RASAL2: variants seen among roughly 807,000 people sequenced by gnomAD.
RASAL2 encodes ras GTPase-activating protein nGAP.
In RASAL2, 58 loss-of-function variants were observed where a neutral mutation model predicts 128.9. That is an observed-to-expected ratio of 0.45 (90% confidence interval 0.36 to 0.56). The LOEUF (loss-of-function observed/expected upper bound fraction) is 0.56. Among genes scored for constraint, RASAL2 ranks in the 20% least tolerant of loss-of-function variants. RASAL2 has a pLI of 0.00. For missense variants in RASAL2, 1,360 were observed against 1,601.6 expected, an observed-to-expected ratio of 0.85 and a Z score of 2.57; for synonymous variants, 561 against 580.8, an observed-to-expected ratio of 0.97 and a Z score of 0.49.
intron 5 of RASAL2, among the ~76,000 whole-genome samples, chr1:178,431,142 T>C (rs1325770139): frequency 3.9e-5 from 6 of 152,066 alleles, no homozygotes; most frequent in Admixed American, 1.3e-4. Context: ...CTTATGATCT[T>C]GGAATTTAAA....
At chr1:178,336,234 T>G (rs1669580313) in intron 3 of RASAL2, among the ~76,000 whole-genome samples, 1 of 152,052 alleles carries the variant, frequency 6.6e-6, no homozygotes, top group Non-Finnish European at 1.5e-5. Flanking sequence ...TTCTACTGGA[T>G]TTTGGTGTGC....
At chr1:178,236,691 A>G (rs755375059) in intron 1 of RASAL2, among the ~76,000 whole-genome samples, 74 of 151,922 alleles carry the variant, frequency 4.9e-4, no homozygotes, top group South Asian at 8.3e-4. Flanking sequence ...TGCACAAAAC[A>G]CTAGGCTTCT....
rs1247100084 is a variant in RASAL2 at position 178,133,299 on chromosome 1, T to C, written c.202+38605T>C. Among the ~76,000 whole-genome samples the C allele has an allele frequency of 3.9e-5, 6 of 152,312 alleles. No homozygotes were observed. The Middle Eastern group carries it at 0.017, about 432-fold the overall frequency. On this transcript the variant is annotated intron_variant, in intron 1 of 17. Transcript: ENST00000367649. The stretch of plus-strand genomic sequence containing the variant: ...TGCCTTTTTGTTATAAATATTATCA[T>C]GGCATGAAACAAAAAGCCTGTTATC...
In RASAL2 at chr1:178,319,807, C is replaced by T. The variant is rs1668665249; in HGVS notation, c.457+19689C>T. On this transcript the variant is annotated intron_variant, in intron 3 of 17. Transcript: ENST00000367649. The stretch of plus-strand genomic sequence containing the variant: ...CTTCTCTCAGCTCGTCAAAGTCATT[C>T]TCCATCCAGCTTTGTTCTGTTGCTG... 2.6e-5 allele frequency among the ~76,000 whole-genome samples: 4 copies of T among 152,352 alleles called. No individual in the cohort carries two copies. In the South Asian group the frequency reaches 6.2e-4, roughly 24 times the overall value.
At chr1:178,155,425 C>G (rs947104220) in intron 1 of RASAL2, among the ~76,000 whole-genome samples, 13 of 145,538 alleles carry the variant, frequency 8.9e-5, no homozygotes, top group African/African-American at 3.3e-4. Context: ...TTTTTTACCC[C>G]TGAAGAACAT....
At position 178,450,828 on chromosome 1, in the gene RASAL2, T is replaced by C. The variant is rs183115527; in HGVS notation, c.1628-743T>C. Among the ~76,000 whole-genome samples, 23 of 152,266 alleles carry C rather than the reference T, an allele frequency of 1.5e-4. No individual in the cohort carries two copies. The East Asian group carries it at 4.4e-3, about 29-fold the overall frequency. ...TGAATAAAACCTAGTACCTAACCTC[T>C]GAAGGTATTCATCCTAGGAATGAAA... On this transcript the variant is annotated intron_variant, in intron 9 of 17. Transcript: ENST00000367649.
Position 178,445,520 on chromosome 1 carries a change from T to G in RASAL2, c.1485T>G (p.Asp495Glu). The G allele has an allele frequency of 6.2e-7, 1 of 1,613,038 alleles. No individual in the cohort carries two copies. The highest frequency in any genetic ancestry group is 8.5e-7 in the Non-Finnish European group (1 of 1,179,460). ...CTGATTGAACATTATTCTACCAGGA[T>G]TTTCTGACTGACTTGGTGATGTCTG... ...HILQSTGRAKDFLTDLVMSEV... is the reference protein window; with the variant it reads ...HILQSTGRAKEFLTDLVMSEV... The change falls in exon 9 of 18, where the codon GAT becomes GAG. Residue 495 changes from aspartate to glutamate, a missense_variant and splice_region_variant. Physicochemically the swap from Asp to Glu is conservative, Grantham distance 45 (BLOSUM62 2). Transcript: ENST00000367649.
chr1:178,295,449 T>C (rs566929361), intron 2 of RASAL2, among the ~76,000 whole-genome samples: 1 of 148,432 alleles, frequency 6.7e-6, no homozygotes, highest in East Asian at 1.9e-4. Context: ...CTCCCGTTTA[T>C]GAGTGAGAAC....
chr1:178,411,846 A>G, intron 4 of RASAL2: 1 of 751,000 alleles, frequency 1.3e-6, no homozygotes, highest in Non-Finnish European at 2.5e-6. Flanking sequence ...TACACGTCAA[A>G]CTCTGGGCCA....
At chr1:178,246,416 T>C (rs1664768901) in intron 1 of RASAL2, among the ~76,000 whole-genome samples, 1 of 152,216 alleles carries the variant, frequency 6.6e-6, no homozygotes, top group South Asian at 2.1e-4. Context: ...CACATTGATT[T>C]TGTATCCTGA....
chr1:178,467,769 C>T (rs1647890147), intron 17 of RASAL2, among the ~76,000 whole-genome samples: 1 of 152,220 alleles, frequency 6.6e-6, no homozygotes, highest in South Asian at 2.1e-4. Context: ...CTTGTGACCT[C>T]CACTGACCAT....
intron 1 of RASAL2, among the ~76,000 whole-genome samples, chr1:178,185,086 G>A (rs1261828252): frequency 1.3e-5 from 2 of 150,872 alleles, no homozygotes; most frequent in Non-Finnish European, 3.0e-5. Context: ...GTGTGGGGAT[G>A]CCATCATAAA....
chr1:178,110,419 C>T (rs982414972), intron 1 of RASAL2, among the ~76,000 whole-genome samples: 6 of 150,750 alleles, frequency 4.0e-5, no homozygotes, highest in Admixed American at 3.3e-4. Context: ...TTAAACCATT[C>T]CTAGATTACA....
intron 1 of RASAL2, among the ~76,000 whole-genome samples, chr1:178,260,474 G>C (rs914735030): frequency 3.6e-5 from 5 of 137,936 alleles, no homozygotes; most frequent in African/African-American, 1.3e-4. Context: ...TATCTAATGT[G>C]TGTTTCTAGT....
At chr1:178,285,103 C>CT (rs58901015) in intron 2 of RASAL2, among the ~76,000 whole-genome samples, 1,314 of 81,948 alleles carry the variant, frequency 0.016, 215 homozygotes, top group Non-Finnish European at 0.019. Flanking sequence ...TTGCTACTTT[C>CT]TTTTTTTTTT....
intron 5 of RASAL2, among the ~76,000 whole-genome samples, chr1:178,422,524 G>C (rs74131347): frequency 0.043 from 6,476 of 152,062 alleles, 450 homozygotes; most frequent in African/African-American, 0.15. Context: ...GTATAGAGGT[G>C]TACTCAATAT....
At chr1:178,346,158 G>C (rs1373228344) in intron 3 of RASAL2, among the ~76,000 whole-genome samples, 1 of 152,016 alleles carries the variant, frequency 6.6e-6, no homozygotes, top group Non-Finnish European at 1.5e-5. Flanking sequence ...GCTCATACTT[G>C]TAATCTCAAC....
At position 178,147,474 on chromosome 1, in the gene RASAL2, C is replaced by T. The variant is rs1224323982; in HGVS notation, c.202+52780C>T. Among the ~76,000 whole-genome samples the T allele has an allele frequency of 6.4e-4, 79 of 122,936 alleles. 1 individual carries two copies. The highest frequency in any genetic ancestry group is 2.2e-4 in the Non-Finnish European group (14 of 62,778). The allele number at this position is 122,936 out of a possible 152,430, so 80.7% of individuals were successfully genotyped here. On this transcript the variant is annotated intron_variant, in intron 1 of 17. Coordinates refer to ENST00000367649, the MANE Select transcript of RASAL2 (RefSeq NM_170692.4). ...TGGCTTGGGCTACAGAGTGAGACTCCGTCTCAAAAAAAAAAAAAAAAAGAA... is the reference window on the plus strand; with the variant it reads ...TGGCTTGGGCTACAGAGTGAGACTCTGTCTCAAAAAAAAAAAAAAAAAGAA...
chr1:178,206,462 A>T (rs918218918), intron 1 of RASAL2, among the ~76,000 whole-genome samples: 1 of 152,218 alleles, frequency 6.6e-6, no homozygotes, highest in African/African-American at 2.4e-5. Flanking sequence ...ACTCTATGAG[A>T]AAAGTATTTT....
Sources: allele counts gnomAD v4.1 joint callset (sites outside exome capture counted in the v4.1 genomes callset), GRCh38; gene constraint gnomAD v4.1.1; transcripts MANE v1.5; gene names NCBI Gene and HGNC (gene_info 2026-07-23, HGNC 2026-07-21).